Variants in UNC45A observed in about 807,000 individuals in gnomAD.
The protein encoded by UNC45A is protein unc-45 homolog A.
In UNC45A, 78 loss-of-function variants were observed where a neutral mutation model predicts 103.2. The ratio of observed to expected loss-of-function variants is 0.76; its 90% confidence interval spans 0.63 to 0.91. The LOEUF is 0.91. Among genes scored for constraint, UNC45A ranks in the 40% least tolerant of loss-of-function variants. UNC45A has a pLI of 0.00. For missense variants in UNC45A, 1,193 were observed against 1,224.8 expected, an observed-to-expected ratio of 0.97 and a Z score of 0.39; for synonymous variants, 495 against 504.6, an observed-to-expected ratio of 0.98 and a Z score of 0.25.
intron 9 of UNC45A, 70 bp downstream of exon 9, chr15:90,945,133 G>A (rs1006589113): frequency 4.3e-5 from 68 of 1,566,218 alleles, no homozygotes; most frequent in Non-Finnish European, 5.6e-5. Flanking sequence ...TTGAGGAGGG[G>A]CAGAAATGAA....
At chr15:90,932,365 C>T (rs1054714858), upstream of UNC45A, 4 of 1,030,834 alleles carry the variant, frequency 3.9e-6, no homozygotes, top group Non-Finnish European at 5.2e-6. Context: ...ACGCCCCCCA[C>T]GTTTCCTTCC....
chr15:90,942,841 T>C (rs907897148), intron 7 of UNC45A, 71 bp from the exon 8 acceptor site: 3 of 1,534,684 alleles, frequency 2.0e-6, no homozygotes, highest in South Asian at 1.3e-5. Flanking sequence ...CCCTGGTTTG[T>C]TGGAGAAGTT....
Position 90,949,640 on chromosome 15 carries a change from C to T in UNC45A, c.2007-14C>T, listed in dbSNP as rs377145210. On this transcript the variant is annotated splice_polypyrimidine_tract_variant and intron_variant, in intron 14 of 19. Coordinates refer to ENST00000418476, the MANE Select transcript of UNC45A (RefSeq NM_018671.5). The stretch of plus-strand genomic sequence containing the variant: ...TCCCAGAGCTGCCTGCCCACCACCG[C>T]CTTCTCCCCACAGGGTCTTCTTGGC... 13 of 1,613,856 alleles carry T rather than the reference C, an allele frequency of 8.1e-6. No homozygotes were observed. Among genetic ancestry groups the T allele is most frequent in the Middle Eastern group, 3.3e-4 (2 of 6,030 alleles).
In UNC45A at chr15:90,953,329, TG is replaced by T. The variant is rs1236926761; in HGVS notation, c.2577+24del. 1.2e-6 allele frequency: 2 copies of T among 1,601,650 alleles called. No homozygotes were observed. The highest frequency in any genetic ancestry group is 8.5e-7 in the Non-Finnish European group (1 of 1,174,134). On this transcript the variant is annotated intron_variant, in intron 19 of 19. Coordinates refer to ENST00000418476, the MANE Select transcript of UNC45A (RefSeq NM_018671.5). The stretch of plus-strand genomic sequence containing the variant: ...CCAAGTGGTCAGTGCCTCTTCTCAG[TG>T]GGGGAGGAGGGACGGACCAGGAACT...
At position 90,953,469 on chromosome 15, in the gene UNC45A, G is replaced by A. The variant is rs1240541886; in HGVS notation, c.2588G>A (p.Trp863Ter). Residue 863 changes from tryptophan to a stop codon, truncating the protein, a stop_gained, in exon 20 of 20, where the codon TGG (tryptophan) becomes TAG (stop). Coordinates refer to ENST00000418476, the MANE Select transcript of UNC45A (RefSeq NM_018671.5). LOFTEE classifies it high-confidence loss of function. ...CTGTTTTTCTCACAGACCACACACT[G>A]GCTGGAGATCCTGCAGGCCCTGCTT... Reference protein sequence around the residue: ...CSRIPQVTTHWLEILQALLLS... With the variant: ...CSRIPQVTTH 6.2e-7 allele frequency: 1 copy of A among 1,613,600 alleles called. No individual in the cohort carries two copies. The highest frequency in any genetic ancestry group is 8.5e-7 in the Non-Finnish European group (1 of 1,180,026).
chr15:90,936,506 G>T, intron 4 of UNC45A, 46 bp downstream of exon 4: 8 of 1,602,156 alleles, frequency 5.0e-6, no homozygotes, highest in Non-Finnish European at 6.8e-6. Flanking sequence ...TGGTGGTGAA[G>T]GGGTCTGGGC....
At chr15:90,947,650 G>A in intron 10 of UNC45A, 146 bp from the exon 11 acceptor site, 1 of 629,864 alleles carries the variant, frequency 1.6e-6, no homozygotes, top group Admixed American at 2.5e-5. Flanking sequence ...CTAGGTGGTG[G>A]TCTGGAGGGA....
At position 90,948,659 on chromosome 15, in the gene UNC45A, G is replaced by GGAGA. The variant is rs2036710087; in HGVS notation, c.1745_1748dup (p.Ser584GlufsTer19). The GGAGA allele has an allele frequency of 6.2e-7, 1 of 1,613,690 alleles. No homozygotes were observed. The highest frequency in any genetic ancestry group is 1.3e-5 in the African/African-American group (1 of 75,042). On this transcript the variant is annotated frameshift_variant, in exon 13 of 20. Coordinates refer to ENST00000418476, the MANE Select transcript of UNC45A (RefSeq NM_018671.5). LOFTEE classifies it high-confidence loss of function. Reference sequence around the variant, plus strand: ...ATTCCTCTGTGTCCTGGCAGTTGGAGGAGAGGTCAGTGCTCTTTGCGGTGG... The same window carrying GGAGA: ...ATTCCTCTGTGTCCTGGCAGTTGGAGGAGAGAGAGGTCAGTGCTCTTTGCGGTGG...
rs1184327539 is a variant in UNC45A at position 90,945,175 on chromosome 15, G to C, written c.1199+112G>C. 21 of 1,407,108 alleles carry C rather than the reference G, an allele frequency of 1.5e-5. No homozygotes were observed. In the Admixed American group the frequency reaches 4.8e-4, roughly 32 times the overall value. 87.2% of individuals were successfully genotyped at this position (1,407,108 alleles called of 1,614,324 possible). A position where few individuals can be genotyped will look rare whatever the true frequency, so the allele number is the denominator to read the frequency against. On this transcript the variant is annotated intron_variant, in intron 9 of 19. Transcript: ENST00000418476. ...CCAGCAGAAACAGTAATCTTGGGGAGGACTAGTTGGAGGCTGAACAAAGGG... is the reference window on the plus strand; with the variant it reads ...CCAGCAGAAACAGTAATCTTGGGGACGACTAGTTGGAGGCTGAACAAAGGG...
In UNC45A at chr15:90,946,919, GAC is replaced by G; in HGVS notation, c.1500+6_1500+7del. 6.6e-7 allele frequency: 1 copy of G among 1,521,394 alleles called. No homozygotes were observed. Among genetic ancestry groups the G allele is most frequent in the Non-Finnish European group, 9.0e-7 (1 of 1,112,726 alleles). 94.2% of individuals were successfully genotyped at this position (1,521,394 alleles called of 1,614,324 possible). A position where few individuals can be genotyped will look rare whatever the true frequency, so the allele number is the denominator to read the frequency against. ...ATCCGCATCCGGGCGCTAGTGGTGAGACGGTGGGCCTGGGGTGGGTGGGCAGG... is the reference window on the plus strand; with the variant it reads ...ATCCGCATCCGGGCGCTAGTGGTGAGGGTGGGCCTGGGGTGGGTGGGCAGG... On this transcript the variant is annotated splice_donor_region_variant and intron_variant, in intron 10 of 19. Coordinates refer to ENST00000418476, the MANE Select transcript of UNC45A (RefSeq NM_018671.5).
At position 90,942,479 on chromosome 15, in the gene UNC45A, T is replaced by G. The variant is rs1242702775; in HGVS notation, c.730T>G (p.Ser244Ala). 4.3e-6 allele frequency: 7 copies of G among 1,614,114 alleles called. No homozygotes were observed. The highest frequency in any genetic ancestry group is 5.9e-6 in the Non-Finnish European group (7 of 1,180,008). ...CATACTGGGAACTCGGCGAGTAGTC[T>G]CCATCCTGGGCGTGGAAAGCCAGGC... Reference protein sequence around the residue: ...LSILGTRRVVSILGVESQAVS... With the variant: ...LSILGTRRVVAILGVESQAVS... The change falls in exon 7 of 20, where the codon TCC (serine) becomes GCC (alanine). Residue 244 changes from serine to alanine, a missense_variant. Ser to Ala is a moderately conservative substitution (Grantham distance 99). Coordinates refer to ENST00000418476, the MANE Select transcript of UNC45A (RefSeq NM_018671.5).
chr15:90,950,697 C>T (rs896896604), intron 17 of UNC45A, 82 bp downstream of exon 17: 4 of 1,387,622 alleles, frequency 2.9e-6, no homozygotes, highest in Admixed American at 3.9e-5. Flanking sequence ...CATTGGGAAA[C>T]ACTCCTTGGT....
intron 5 of UNC45A, 62 bp downstream of exon 5, chr15:90,939,885 C>T (rs1166586079): frequency 6.7e-6 from 10 of 1,497,318 alleles, no homozygotes; most frequent in South Asian, 4.6e-5. Context: ...CCATAGGCCC[C>T]CGAAGCCACT....
chr15:90,932,546 G>T, upstream of UNC45A: 2 of 1,253,930 alleles, frequency 1.6e-6, no homozygotes, highest in Non-Finnish European at 2.0e-6. Context: ...CCCATCGCGC[G>T]GATGGGGCCG....
Position 90,935,293 on chromosome 15 carries a change from C to T in UNC45A, c.-32C>T. ...CAGACTCGCCCCGCCCCAGAGACTG[C>T]GCCTGCGCGGGCACGAGACAACCTC... is the stretch of plus-strand genomic sequence containing the variant. On this transcript the variant is annotated 5_prime_UTR_variant, in exon 1 of 20. Coordinates refer to ENST00000418476, the MANE Select transcript of UNC45A (RefSeq NM_018671.5). 6.3e-7 allele frequency: 1 copy of T among 1,587,584 alleles called. No homozygotes were observed. The highest frequency in any genetic ancestry group is 8.5e-7 in the Non-Finnish European group (1 of 1,169,892).
intron 8 of UNC45A, among the ~76,000 whole-genome samples, chr15:90,944,124 C>G (rs758744401): frequency 9.9e-5 from 15 of 151,128 alleles, no homozygotes; most frequent in Non-Finnish European, 2.1e-4. Flanking sequence ...TGGTGCCTCA[C>G]GCCTATAATC....
chr15:90,948,821 G>T, intron 13 of UNC45A, 27 bp downstream of exon 13: 1 of 1,567,776 alleles, frequency 6.4e-7, no homozygotes, highest in Non-Finnish European at 8.7e-7. Flanking sequence ...GGGGCTAGAG[G>T]GTTCCCCACC....
chr15:90,940,254 C>T, intron 5 of UNC45A, 52 bp from the exon 6 acceptor site: 1 of 1,562,806 alleles, frequency 6.4e-7, no homozygotes. Flanking sequence ...ACCAGTGCTG[C>T]ATCCTATGCC....
upstream of UNC45A, chr15:90,932,242 C>T (rs2035826359): frequency 3.0e-6 from 3 of 994,346 alleles, no homozygotes; most frequent in Non-Finnish European, 4.4e-6. Flanking sequence ...AGTACCTTAC[C>T]CTCTGGGAGC....
Sources: allele counts gnomAD v4.1 joint callset (sites outside exome capture counted in the v4.1 genomes callset), GRCh38; gene constraint gnomAD v4.1.1; transcripts MANE v1.5; gene names NCBI Gene and HGNC (gene_info 2026-07-23, HGNC 2026-07-21).